Variants in MAPRE2 observed in about 807,000 individuals in gnomAD.
The protein encoded by MAPRE2 is microtubule associated protein RP/EB family member 2, also known as microtubule-associated protein RP/EB family member 2.
Under a neutral mutation model 43.2 loss-of-function variants are expected in MAPRE2, and 13 were observed. That is an observed-to-expected ratio of 0.30 (90% CI 0.20 to 0.48). The LOEUF is 0.48. Ranked by LOEUF, MAPRE2 falls within the 20% of genes least tolerant of loss-of-function variation. The pLI is 0.99. For synonymous variants in MAPRE2, 135 were observed against 148.8 expected (o/e 0.91, Z 0.68); for missense variants, 161 against 400.2 (o/e 0.40, Z 5.10).
intron 2 of MAPRE2, among the ~76,000 whole-genome samples, chr18:35,080,558 C>A (rs1158979211): frequency 1.3e-5 from 2 of 152,332 alleles, no homozygotes; most frequent in South Asian, 4.1e-4. Flanking sequence ...TAGCAGGCAT[C>A]TGGTTTCTAC....
chr18:35,062,959 G>C (rs1459073320), intron 1 of MAPRE2, among the ~76,000 whole-genome samples: 1 of 152,210 alleles, frequency 6.6e-6, no homozygotes, highest in African/African-American at 2.4e-5. Flanking sequence ...ACTTTCCCCA[G>C]TGATGGGAGA....
At chr18:35,023,516 AAT>A (rs148989194) in intron 2 of MAPRE2, among the ~76,000 whole-genome samples, 14 of 147,984 alleles carry the variant, frequency 9.5e-5, no homozygotes, top group Non-Finnish European at 8.9e-5. Flanking sequence ...CTTCGCAAAA[AAT>A]ATATATATAT....
chr18:35,026,377 G>A (rs559606207), intron 2 of MAPRE2, among the ~76,000 whole-genome samples: 9 of 152,160 alleles, frequency 5.9e-5, no homozygotes, highest in South Asian at 2.1e-4. Context: ...ACCAATGGCC[G>A]CAACCTAATT....
In MAPRE2 at chr18:35,014,386, A is replaced by ATT. The variant is rs368732245; in HGVS notation, c.-8+8848_-8+8849dup. Among the ~76,000 whole-genome samples the ATT allele has an allele frequency of 2.1e-3, 287 of 139,686 alleles. 1 individual carries two copies. Among genetic ancestry groups the ATT allele is most frequent in the East Asian group, 0.017 (83 of 4,812 alleles). The allele number at this position is 139,686 out of a possible 152,430, so 91.6% of individuals were successfully genotyped here. On this transcript the variant is annotated intron_variant, in intron 2 of 7. Transcript: ENST00000413393. Reference sequence around the variant, plus strand: ...TTGTGCTAGTCTCCCGGGCAGGGTGATTTTTTTTTTTTTTTTGGTCCCAGC... The same window carrying ATT: ...TTGTGCTAGTCTCCCGGGCAGGGTGATTTTTTTTTTTTTTTTTTGGTCCCAGC...
chr18:35,073,603 C>T (rs1397111888), intron 2 of MAPRE2, among the ~76,000 whole-genome samples: 3 of 152,120 alleles, frequency 2.0e-5, no homozygotes, highest in Admixed American at 6.5e-5. Context: ...TGAAGACTTA[C>T]GCTCCAATCC....
intron 1 of MAPRE2, among the ~76,000 whole-genome samples, chr18:35,061,511 T>C (rs1906526826): frequency 6.6e-6 from 1 of 152,176 alleles, no homozygotes; most frequent in South Asian, 2.1e-4. Context: ...CTGGAGGAGT[T>C]GGTCTTGCAT....
Position 35,141,734 on chromosome 18 carries a change from A to ACTT in MAPRE2, c.*1366_*1368dup, listed in dbSNP as rs762448425. 5.9e-4 allele frequency: 90 copies of ACTT among 151,938 alleles called. No homozygotes were observed. The highest frequency in any genetic ancestry group is 1.2e-3 in the Non-Finnish European group (79 of 67,992). 9.4% of individuals were successfully genotyped at this position (151,938 alleles called of 1,614,324 possible). ...ATCATTCATTTCACCTTGGTTTCTA[A>ACTT]CTTTAGGTTTACTTTCACTTGTTAT... On this transcript the variant is annotated 3_prime_UTR_variant, in exon 7 of 7. Coordinates refer to ENST00000300249, the MANE Select transcript of MAPRE2 (RefSeq NM_014268.4).
chr18:35,053,802 G>A (rs909242619), intron 1 of MAPRE2, among the ~76,000 whole-genome samples: 2 of 152,150 alleles, frequency 1.3e-5, no homozygotes, highest in African/African-American at 4.8e-5. Context: ...GAAGGTAGAA[G>A]GAGAGAGAGG....
chr18:35,017,280 C>T (rs1603390501), intron 2 of MAPRE2, among the ~76,000 whole-genome samples: 2 of 95,150 alleles, frequency 2.1e-5, no homozygotes, highest in Non-Finnish European at 2.0e-5. Context: ...ATTGCTTTGG[C>T]TATTTGAGCT....
upstream of MAPRE2, among the ~76,000 whole-genome samples, chr18:35,040,314 C>G (rs916772362): frequency 8.5e-5 from 13 of 152,208 alleles, no homozygotes; most frequent in African/African-American, 3.1e-4. Context: ...GCTAGCAATT[C>G]TGTTCACAGT....
At chr18:35,095,269 A>G (rs1908348082) in intron 2 of MAPRE2, among the ~76,000 whole-genome samples, 1 of 152,158 alleles carries the variant, frequency 6.6e-6, no homozygotes. Context: ...TGACTCAGAA[A>G]GAGAATTATG....
chr18:35,055,942 A>C (rs929041267), intron 1 of MAPRE2, among the ~76,000 whole-genome samples: 2 of 151,566 alleles, frequency 1.3e-5, no homozygotes, highest in African/African-American at 4.8e-5. Flanking sequence ...GTGACACAGC[A>C]AGACTCTTGT....
At chr18:35,065,946 G>T (rs570412520) in intron 1 of MAPRE2, among the ~76,000 whole-genome samples, 1 of 152,336 alleles carries the variant, frequency 6.6e-6, no homozygotes, top group East Asian at 1.9e-4. Context: ...TTTCTCCTTT[G>T]CAAGGATGGG....
At chr18:35,086,082 T>G (rs1907862999) in intron 2 of MAPRE2, among the ~76,000 whole-genome samples, 1 of 152,152 alleles carries the variant, frequency 6.6e-6, no homozygotes, top group South Asian at 2.1e-4. Flanking sequence ...AAGTTGTAAC[T>G]AAATCCCTCA....
chr18:34,998,762 C>T (rs147726770), intron 1 of MAPRE2, among the ~76,000 whole-genome samples: 2,107 of 132,474 alleles, frequency 0.016, 24 homozygotes, highest in African/African-American at 0.036. Context: ...TGAGCCTGGC[C>T]GAAGTTGCAA....
At chr18:35,013,723 T>C (rs2097036307) in intron 2 of MAPRE2, among the ~76,000 whole-genome samples, 1 of 152,136 alleles carries the variant, frequency 6.6e-6, no homozygotes, top group Admixed American at 6.6e-5. Flanking sequence ...TTTACTTCTA[T>C]GAAATCAACT....
At chr18:34,981,803 C>T (rs942054053) in intron 1 of MAPRE2, among the ~76,000 whole-genome samples, 1 of 152,082 alleles carries the variant, frequency 6.6e-6, no homozygotes, top group African/African-American at 2.4e-5. Context: ...TTTGAATTAA[C>T]TCCTTTCTCC....
At chr18:35,024,436 A>G (rs1218267283) in intron 2 of MAPRE2, among the ~76,000 whole-genome samples, 1 of 152,242 alleles carries the variant, frequency 6.6e-6, no homozygotes, top group Non-Finnish European at 1.5e-5. Context: ...CCTTTTGACT[A>G]TAAATGCTGT....
At chr18:35,057,684 C>G (rs1397069331) in intron 1 of MAPRE2, among the ~76,000 whole-genome samples, 1 of 151,858 alleles carries the variant, frequency 6.6e-6, no homozygotes, top group African/African-American at 2.4e-5. Context: ...ATCTGGTTGC[C>G]CAAACAAGAG....
Sources: gnomAD v4.1 joint callset for allele counts (sites outside exome capture counted in the v4.1 genomes callset) on GRCh38, gnomAD v4.1.1 for gene constraint, MANE v1.5 for transcripts, NCBI Gene and HGNC (gene_info 2026-07-23, HGNC 2026-07-21) for gene names.